GPHN: variants seen among roughly 807,000 people sequenced by gnomAD.
GPHN encodes gephyrin.
GPHN carries 17 observed loss-of-function variants against 95.5 expected under a neutral mutation model. The ratio of observed to expected loss-of-function variants is 0.18; its 90% CI spans 0.12 to 0.27. The LOEUF is 0.27. GPHN is among the 10% of genes least tolerant of loss of function. The pLI, the probability that GPHN is intolerant of heterozygous loss-of-function variation, is 1.00. For synonymous variants in GPHN, 320 were observed against 322.5 expected (o/e 0.99, Z 0.08); for missense variants, 660 against 978.1 (o/e 0.67, Z 4.34).
intron 3 of GPHN, among the ~76,000 whole-genome samples, chr14:66,788,539 C>G (rs1167650856): frequency 5.3e-5 from 8 of 152,190 alleles, no homozygotes; most frequent in African/African-American, 1.9e-4. Context: ...TAAAAGAAAG[C>G]TAACATCATT....
At chr14:66,537,141 A>G (rs1404928749) in intron 1 of GPHN, among the ~76,000 whole-genome samples, 1 of 151,756 alleles carries the variant, frequency 6.6e-6, no homozygotes, top group African/African-American at 2.4e-5. Flanking sequence ...TATTTACAGT[A>G]TATCTCTTGG....
At chr14:67,420,022 A>G in the GPHN span, among the ~76,000 whole-genome samples, 1 of 152,212 alleles carries the variant, frequency 6.6e-6, no homozygotes, top group Admixed American at 6.5e-5. Context: ...TCTCACTTCC[A>G]GGTGGTTCTG....
At chr14:67,645,219 G>T in the GPHN span, among the ~76,000 whole-genome samples, 4 of 147,306 alleles carry the variant, frequency 2.7e-5, no homozygotes, top group Admixed American at 2.7e-4. Flanking sequence ...TGACTATTTT[G>T]CCCAGGCTGG....
intron 3 of GPHN, among the ~76,000 whole-genome samples, chr14:66,808,105 G>A (rs904538823): frequency 6.6e-6 from 1 of 152,112 alleles, no homozygotes; most frequent in Non-Finnish European, 1.5e-5. Flanking sequence ...AGCAAAATAT[G>A]TTTTTAAGTT....
chr14:66,689,403 C>G (rs1021317046), intron 2 of GPHN, among the ~76,000 whole-genome samples: 1 of 152,084 alleles, frequency 6.6e-6, no homozygotes, highest in Non-Finnish European at 1.5e-5. Flanking sequence ...GGGATAAATC[C>G]TACTTGATGA....
the GPHN span, chr14:67,646,969 T>C: frequency 1.2e-6 from 2 of 1,612,936 alleles, no homozygotes; most frequent in Admixed American, 1.7e-5. Flanking sequence ...TGAGAGATAT[T>C]GATCGACTTG....
intron 2 of GPHN, among the ~76,000 whole-genome samples, chr14:66,696,594 T>C (rs149591622): frequency 6.6e-6 from 1 of 152,340 alleles, no homozygotes; most frequent in East Asian, 1.9e-4. Context: ...GTCAGAAAGC[T>C]TATACTATAA....
intron 3 of GPHN, among the ~76,000 whole-genome samples, chr14:66,822,169 C>T: frequency 6.6e-6 from 1 of 152,162 alleles, no homozygotes; most frequent in Admixed American, 6.5e-5. Context: ...CCTGGGTGGC[C>T]TCGATCTCCT....
chr14:66,508,734 C>A, intron 1 of GPHN, 143 bp downstream of exon 1: 2 of 759,166 alleles, frequency 2.6e-6, no homozygotes, highest in Non-Finnish European at 4.7e-6. Context: ...TTTACAACCG[C>A]TGAGAACCGC....
At chr14:66,991,604 T>A (rs559818745) in intron 9 of GPHN, among the ~76,000 whole-genome samples, 2 of 149,168 alleles carry the variant, frequency 1.3e-5, no homozygotes, top group East Asian at 2.0e-4. Context: ...AGGATCCTAT[T>A]AACTGTCCAA....
At chr14:66,642,559 GTT>G (rs200424747) in intron 1 of GPHN, among the ~76,000 whole-genome samples, 4 of 139,864 alleles carry the variant, frequency 2.9e-5, no homozygotes. Flanking sequence ...TTTGATTTTT[GTT>G]TTTTTTTTTT....
the GPHN span, among the ~76,000 whole-genome samples, chr14:67,459,359 C>T: frequency 6.6e-6 from 1 of 152,176 alleles, no homozygotes; most frequent in Non-Finnish European, 1.5e-5. Flanking sequence ...TAATGATTCA[C>T]CCTAACCATT....
chr14:66,850,605 T>G (rs913433461), intron 4 of GPHN, among the ~76,000 whole-genome samples: 2 of 152,114 alleles, frequency 1.3e-5, no homozygotes, highest in Non-Finnish European at 2.9e-5. Flanking sequence ...CATTTTTGGT[T>G]GTTACAATTG....
the GPHN span, chr14:67,412,191 T>G: frequency 4.5e-6 from 3 of 659,968 alleles, no homozygotes; most frequent in Non-Finnish European, 4.6e-6. Context: ...GGGCGACGCC[T>G]CCCTGGCGCG....
At chr14:67,492,697 C>A in the GPHN span, among the ~76,000 whole-genome samples, 1 of 152,216 alleles carries the variant, frequency 6.6e-6, no homozygotes, top group Non-Finnish European at 1.5e-5. Context: ...ACAGCCTGTA[C>A]AGCCAAGCCA....
At chr14:66,815,716 G>T (rs1341191251) in intron 3 of GPHN, among the ~76,000 whole-genome samples, 1 of 152,122 alleles carries the variant, frequency 6.6e-6, no homozygotes, top group African/African-American at 2.4e-5. Flanking sequence ...ACACATTGAA[G>T]TCCACAGATC....
intron 1 of GPHN, among the ~76,000 whole-genome samples, chr14:66,542,033 G>C (rs117675799): frequency 0.013 from 2,025 of 152,180 alleles, 21 homozygotes; most frequent in Middle Eastern, 0.02. Flanking sequence ...AAATTTTATA[G>C]TATTTTGTTA....
chr14:66,700,068 A>T (rs1446943298), intron 2 of GPHN, among the ~76,000 whole-genome samples: 1 of 152,206 alleles, frequency 6.6e-6, no homozygotes, highest in East Asian at 1.9e-4. Flanking sequence ...TGTGTGTCTT[A>T]TACGGGCTAT....
chr14:67,276,281 T>C, the GPHN span, among the ~76,000 whole-genome samples: 2 of 152,212 alleles, frequency 1.3e-5, no homozygotes, highest in African/African-American at 4.8e-5. Flanking sequence ...ATGTTCCCAT[T>C]GTCCCATCCA....
Sources: allele counts gnomAD v4.1 joint callset (sites outside exome capture counted in the v4.1 genomes callset), GRCh38; gene constraint gnomAD v4.1.1; transcripts MANE v1.5; gene names NCBI Gene and HGNC (gene_info 2026-07-23, HGNC 2026-07-21).